GRAMD1B: variants seen among roughly 807,000 people sequenced by gnomAD.
The protein encoded by GRAMD1B is GRAM domain containing 1B.
In GRAMD1B, 37 loss-of-function variants were observed where a neutral mutation model predicts 99.7. The ratio of observed to expected loss-of-function variants is 0.37; its 90% CI spans 0.29 to 0.49. The LOEUF is 0.49. GRAMD1B is among the 20% of genes least tolerant of loss of function. The pLI is 0.98. For synonymous variants in GRAMD1B, 427 were observed against 387.6 expected (o/e 1.10, Z -1.19); for missense variants, 888 against 1,009.2 (o/e 0.88, Z 1.63).
At position 123,432,025 on chromosome 11, in the gene GRAMD1B, T is replaced by A. The variant is rs1948917921; in HGVS notation, c.374+859T>A. 1.8e-5 allele frequency: 7 copies of A among 398,648 alleles called. No individual in the cohort carries two copies. The East Asian group carries it at 2.5e-4, about 14-fold the overall frequency. 24.7% of individuals were successfully genotyped at this position (398,648 alleles called of 1,614,324 possible). On this transcript the variant is annotated intron_variant, in intron 1 of 19. Coordinates refer to ENST00000635736, the MANE Select transcript of GRAMD1B (RefSeq NM_001387025.1). ...TTTACTTTGAGACTTTAGGGTCCTG[T>A]CTCTTAATGGATTTGTGTTCTTGTG... is the stretch of plus-strand genomic sequence containing the variant.
intron 2 of GRAMD1B, among the ~76,000 whole-genome samples, chr11:123,544,251 A>G (rs1201942517): frequency 4.6e-5 from 7 of 152,206 alleles, no homozygotes; most frequent in Admixed American, 3.3e-4. Flanking sequence ...TTACTGCTCA[A>G]TGTATGCCAA....
chr11:123,509,137 T>C (rs1940730697), intron 2 of GRAMD1B, among the ~76,000 whole-genome samples: 1 of 152,170 alleles, frequency 6.6e-6, no homozygotes, highest in South Asian at 2.1e-4. Context: ...TCTCACCATT[T>C]CTGAGGGTAA....
At chr11:123,359,469 G>C (rs1474338742) in intron 1 of GRAMD1B, among the ~76,000 whole-genome samples, 1 of 152,052 alleles carries the variant, frequency 6.6e-6, no homozygotes, top group Non-Finnish European at 1.5e-5. Flanking sequence ...GTGGTCATTA[G>C]AATGAAGTTT....
intron 1 of GRAMD1B, among the ~76,000 whole-genome samples, chr11:123,437,817 A>C (rs977750314): frequency 1.8e-4 from 28 of 152,144 alleles, no homozygotes; most frequent in African/African-American, 6.8e-4. Context: ...TGACCTTTGG[A>C]GGGAGACTTG....
chr11:123,559,903 T>C (rs1343192977), intron 2 of GRAMD1B, among the ~76,000 whole-genome samples: 2 of 152,206 alleles, frequency 1.3e-5, no homozygotes, highest in Non-Finnish European at 2.9e-5. Flanking sequence ...GATGCACGAC[T>C]CTCTTTAGAG....
chr11:123,606,315 G>C (rs141973230), intron 10 of GRAMD1B, among the ~76,000 whole-genome samples: 82 of 152,368 alleles, frequency 5.4e-4, no homozygotes, highest in African/African-American at 1.9e-3. Context: ...TTGCAGGATG[G>C]TGCAGGTGCG....
At chr11:123,562,359 T>A (rs1946864287) in intron 2 of GRAMD1B, among the ~76,000 whole-genome samples, 1 of 152,154 alleles carries the variant, frequency 6.6e-6, no homozygotes, top group Non-Finnish European at 1.5e-5. Context: ...GTCTTTTCTG[T>A]TTAGACCAGA....
intron 1 of GRAMD1B, among the ~76,000 whole-genome samples, chr11:123,395,017 A>T (rs1947412084): frequency 6.6e-6 from 1 of 152,194 alleles, no homozygotes; most frequent in Non-Finnish European, 1.5e-5. Flanking sequence ...CCACTTTCTA[A>T]TACTGTTATG....
At chr11:123,586,238 G>T (rs1334472442) in intron 4 of GRAMD1B, among the ~76,000 whole-genome samples, 4 of 152,144 alleles carry the variant, frequency 2.6e-5, no homozygotes, top group Non-Finnish European at 5.9e-5. Context: ...TGGGCGTGAC[G>T]GAGTCCTGCT....
At chr11:123,577,266 G>C in intron 2 of GRAMD1B, 101 bp from the exon 3 acceptor site, 1 of 979,134 alleles carries the variant, frequency 1.0e-6, no homozygotes, top group South Asian at 1.5e-5. Flanking sequence ...GGCTCCCTGA[G>C]CTGGCTCCTT....
chr11:123,515,773 C>T (rs1364535735), intron 2 of GRAMD1B, among the ~76,000 whole-genome samples: 1 of 147,322 alleles, frequency 6.8e-6, no homozygotes, highest in Non-Finnish European at 1.5e-5. Flanking sequence ...ATATTCAAAC[C>T]TTTTTTTTTT....
chr11:123,483,022 C>A (rs1951696207), intron 2 of GRAMD1B, among the ~76,000 whole-genome samples: 1 of 148,862 alleles, frequency 6.7e-6, no homozygotes, highest in Non-Finnish European at 1.5e-5. Context: ...TGCCACTGCA[C>A]TCCAGATTGG....
intron 2 of GRAMD1B, among the ~76,000 whole-genome samples, chr11:123,528,968 T>C (rs1052579340): frequency 2.6e-5 from 4 of 152,226 alleles, no homozygotes; most frequent in African/African-American, 9.7e-5. Context: ...GGTGTGTCAG[T>C]CAGGCCTTCT....
chr11:123,503,395 C>T (rs764238671), intron 2 of GRAMD1B, among the ~76,000 whole-genome samples: 34 of 152,166 alleles, frequency 2.2e-4, no homozygotes, highest in Non-Finnish European at 3.2e-4. Flanking sequence ...CAAGTGCAGA[C>T]GGCTTGGAGG....
intron 1 of GRAMD1B, among the ~76,000 whole-genome samples, chr11:123,461,897 C>T (rs188588896): frequency 1.1e-3 from 160 of 149,742 alleles, no homozygotes; most frequent in Admixed American, 5.1e-3. Flanking sequence ...TGAGCCACTG[C>T]GCCCGGCCAA....
At chr11:123,512,356 G>A (rs956233371) in intron 2 of GRAMD1B, among the ~76,000 whole-genome samples, 1 of 152,178 alleles carries the variant, frequency 6.6e-6, no homozygotes, top group East Asian at 1.9e-4. Flanking sequence ...AAGTGCTCTG[G>A]AAAAGGTATG....
At chr11:123,548,365 TAC>T (rs113307581) in intron 2 of GRAMD1B, among the ~76,000 whole-genome samples, 14,704 of 128,370 alleles carry the variant, frequency 0.11, 987 homozygotes, top group East Asian at 0.27. Flanking sequence ...TATATATATG[TAC>T]ACACACACAC....
At chr11:123,420,130 T>C (rs1030360289) in intron 1 of GRAMD1B, among the ~76,000 whole-genome samples, 6 of 152,230 alleles carry the variant, frequency 3.9e-5, no homozygotes, top group African/African-American at 1.4e-4. Context: ...GGTCTTTTAT[T>C]GTTTACTAAG....
intron 1 of GRAMD1B, among the ~76,000 whole-genome samples, chr11:123,376,433 A>G (rs1428082131): frequency 6.6e-6 from 1 of 152,212 alleles, no homozygotes; most frequent in Non-Finnish European, 1.5e-5. Context: ...CGTTGTTAAT[A>G]TAAATTGTTT....
Sources: gnomAD v4.1 joint callset for allele counts (sites outside exome capture counted in the v4.1 genomes callset) on GRCh38, gnomAD v4.1.1 for gene constraint, MANE v1.5 for transcripts, NCBI Gene and HGNC (gene_info 2026-07-23, HGNC 2026-07-21) for gene names.